Variants in KHDRBS3 observed in about 807,000 individuals in gnomAD.
The protein encoded by KHDRBS3 is KH RNA binding domain containing, signal transduction associated 3.
In KHDRBS3, 23 loss-of-function variants were observed where a neutral mutation model predicts 45.6. That is an observed-to-expected ratio of 0.50 (90% CI 0.36 to 0.72). The LOEUF (loss-of-function observed/expected upper bound fraction) is 0.72, where lower values mean the gene tolerates loss of function less well. KHDRBS3 is among the 30% of genes least tolerant of loss of function. The probability of loss-of-function intolerance (pLI) is 0.00; values close to 1 mark genes in which losing one functional copy is unlikely to be tolerated. For synonymous variants in KHDRBS3, 162 were observed against 156.5 expected, an observed-to-expected ratio of 1.04 and a Z score of -0.26; for missense variants, 352 against 424.8, an observed-to-expected ratio of 0.83 and a Z score of 1.51.
intron 1 of KHDRBS3, among the ~76,000 whole-genome samples, chr8:135,492,906 T>C (rs1012843123): frequency 6.6e-6 from 1 of 152,234 alleles, no homozygotes; most frequent in African/African-American, 2.4e-5. Flanking sequence ...AAATCAGTTT[T>C]GGAAGAAATG....
In KHDRBS3 at chr8:135,557,572, C is replaced by A. The variant is rs1333333734; in HGVS notation, c.596C>A (p.Ala199Asp). The change falls in exon 5 of 9, where the codon GCC (alanine) becomes GAC (aspartate). Residue 199 changes from alanine (A) to aspartate (D), a missense_variant. Transcript: ENST00000355849. ...KPTLRTRGVP[A>D]PAITRGRGGV... ...ACCTTGCGTACAAGAGGTGTACCAG[C>A]CCCAGCAATAACCAGGTAGGTGTAA... is the stretch of plus-strand genomic sequence containing the variant. The A allele has an allele frequency of 6.2e-7, 1 of 1,612,024 alleles. No homozygotes were observed.
intron 7 of KHDRBS3, among the ~76,000 whole-genome samples, chr8:135,629,610 G>A (rs1306993851): frequency 1.3e-5 from 2 of 152,168 alleles, no homozygotes; most frequent in African/African-American, 4.8e-5. Context: ...CTGCATGCTA[G>A]GTCTCCATAA....
chr8:135,522,520 CACAA>C lies in KHDRBS3; in HGVS notation c.207+1170_207+1173del, dbSNP rs557927345. Reference sequence around the variant, plus strand: ...AAGCACTTATACCTTGTACCATTTCCACAAACAATGTGTGCAGGCTGTAGCTGCC... The same window carrying C: ...AAGCACTTATACCTTGTACCATTTCCACAATGTGTGCAGGCTGTAGCTGCC... On this transcript the variant is annotated intron_variant, in intron 2 of 8. Coordinates refer to ENST00000355849, the MANE Select transcript of KHDRBS3 (RefSeq NM_006558.3). Among the ~76,000 whole-genome samples the C allele has an allele frequency of 6.9e-3, 1,055 of 152,274 alleles. 6 individuals carry two copies. The highest frequency in any genetic ancestry group is 0.012 in the Non-Finnish European group (820 of 68,016).
At chr8:135,477,113 A>G (rs1404311236) in intron 1 of KHDRBS3, among the ~76,000 whole-genome samples, 1 of 152,182 alleles carries the variant, frequency 6.6e-6, no homozygotes, top group Admixed American at 6.5e-5. Context: ...ATCTTTTCAT[A>G]TATTATTTAA....
intron 6 of KHDRBS3, among the ~76,000 whole-genome samples, chr8:135,591,209 T>C (rs1828728408): frequency 6.6e-6 from 1 of 152,174 alleles, no homozygotes; most frequent in African/African-American, 2.4e-5. Flanking sequence ...GAGCCCATGC[T>C]CCAGCACCCT....
intron 1 of KHDRBS3, among the ~76,000 whole-genome samples, chr8:135,516,975 A>G (rs984813009): frequency 6.6e-6 from 1 of 152,164 alleles, no homozygotes; most frequent in Non-Finnish European, 1.5e-5. Context: ...TTATTTAGCT[A>G]TTTTTAGAAT....
chr8:135,625,850 C>G, intron 7 of KHDRBS3: 1 of 768,974 alleles, frequency 1.3e-6, no homozygotes, highest in Non-Finnish European at 2.4e-6. Context: ...TAAACTGACA[C>G]TAGGCAGCCC....
chr8:135,625,370 G>T (rs959059270), intron 7 of KHDRBS3: 3 of 887,388 alleles, frequency 3.4e-6, no homozygotes, highest in South Asian at 1.4e-5. Context: ...GTCTTCAACG[G>T]TAAGTTTCAA....
At chr8:135,470,632 C>A (rs1469560432) in intron 1 of KHDRBS3, among the ~76,000 whole-genome samples, 2 of 150,354 alleles carry the variant, frequency 1.3e-5, no homozygotes, top group African/African-American at 4.9e-5. Flanking sequence ...CTCACCCAGG[C>A]TGGAGTGCAA....
At chr8:135,618,576 G>C (rs983549636) in intron 7 of KHDRBS3, among the ~76,000 whole-genome samples, 4 of 152,098 alleles carry the variant, frequency 2.6e-5, no homozygotes, top group Non-Finnish European at 4.4e-5. Flanking sequence ...ATTTTAGTAA[G>C]TAACTGAGTT....
At chr8:135,544,537 T>C (rs1024415103) in intron 3 of KHDRBS3, among the ~76,000 whole-genome samples, 1 of 151,774 alleles carries the variant, frequency 6.6e-6, no homozygotes, top group Admixed American at 6.6e-5. Context: ...TTGAGGGGAG[T>C]CGGTGTTATG....
chr8:135,609,733 G>GCAGT (rs1586799718), intron 7 of KHDRBS3, among the ~76,000 whole-genome samples: 2 of 151,884 alleles, frequency 1.3e-5, no homozygotes, highest in East Asian at 3.8e-4. Flanking sequence ...CGCTGTACCT[G>GCAGT]CAGTCTGTTG....
intron 5 of KHDRBS3, among the ~76,000 whole-genome samples, chr8:135,574,702 A>G (rs1827872207): frequency 6.6e-6 from 1 of 152,236 alleles, no homozygotes; most frequent in East Asian, 1.9e-4. Flanking sequence ...TAGATGCACT[A>G]TAGCTACAAA....
intron 1 of KHDRBS3, among the ~76,000 whole-genome samples, chr8:135,507,570 T>C (rs1824069647): frequency 6.6e-6 from 1 of 152,236 alleles, no homozygotes; most frequent in Admixed American, 6.5e-5. Context: ...CCCTACGTTT[T>C]TAACGTGTAA....
intron 1 of KHDRBS3, among the ~76,000 whole-genome samples, chr8:135,482,540 C>T (rs1822634043): frequency 6.6e-6 from 1 of 152,176 alleles, no homozygotes; most frequent in African/African-American, 2.4e-5. Flanking sequence ...CCTTATGCTT[C>T]TGCAGACCCA....
chr8:135,613,651 C>T (rs1829795641), intron 7 of KHDRBS3, among the ~76,000 whole-genome samples: 2 of 151,592 alleles, frequency 1.3e-5, no homozygotes, highest in African/African-American at 4.9e-5. Flanking sequence ...GGGAAACCTG[C>T]AAGGACTGTG....
chr8:135,644,289 G>A (rs552913340), intron 7 of KHDRBS3, among the ~76,000 whole-genome samples: 3 of 152,122 alleles, frequency 2.0e-5, no homozygotes, highest in South Asian at 2.1e-4. Context: ...CTCTTTCCTC[G>A]TGCTCTCTCA....
chr8:135,608,061 G>T (rs1329974521), intron 7 of KHDRBS3, among the ~76,000 whole-genome samples: 2 of 152,122 alleles, frequency 1.3e-5, no homozygotes, highest in South Asian at 4.2e-4. Flanking sequence ...CACTTACGGA[G>T]CCCAGTGACT....
intron 1 of KHDRBS3, among the ~76,000 whole-genome samples, chr8:135,493,530 T>C (rs1823264114): frequency 6.6e-6 from 1 of 152,178 alleles, no homozygotes; most frequent in Non-Finnish European, 1.5e-5. Flanking sequence ...TAAAATACTT[T>C]TCTGCATCTC....
Sources: gnomAD v4.1 joint callset for allele counts (sites outside exome capture counted in the v4.1 genomes callset) on GRCh38, gnomAD v4.1.1 for gene constraint, MANE v1.5 for transcripts, NCBI Gene and HGNC (gene_info 2026-07-23, HGNC 2026-07-21) for gene names.